The following GABBR2 variants were observed in gnomAD, a reference collection of about 807,000 sequenced individuals.
GABBR2 encodes G-protein coupled receptor 51.
A neutral mutation model predicts 105.6 loss-of-function variants in GABBR2; 23 were observed. The ratio of observed to expected loss-of-function variants is 0.22; its 90% CI spans 0.16 to 0.31. GABBR2 has a LOEUF of 0.31. GABBR2 is among the 10% of genes least tolerant of loss of function. GABBR2 has a pLI of 1.00. For synonymous variants in GABBR2, 478 were observed against 499.7 expected (o/e 0.96, Z 0.58); for missense variants, 734 against 1,245.5 (o/e 0.59, Z 6.18).
chr9:98,698,056 G>A (rs1211148124), intron 1 of GABBR2, among the ~76,000 whole-genome samples: 1 of 152,220 alleles, frequency 6.6e-6, no homozygotes, highest in African/African-American at 2.4e-5. Context: ...TCTGAACAAA[G>A]TCAAGTGGAT....
chr9:98,544,425 C>T (rs1008582592), intron 2 of GABBR2, among the ~76,000 whole-genome samples: 1 of 152,180 alleles, frequency 6.6e-6, no homozygotes, highest in Non-Finnish European at 1.5e-5. Context: ...ACAGAGCCCC[C>T]GTAGAAACCA....
rs1275870137 is a variant in GABBR2, at chr9:98,468,230, G to A, written c.999+4916C>T. ...CTATTCCTCCTACCAGAAAACTCCT[G>A]GTGCTAATGAGTGAGCTGGGGACAG... On this transcript the variant is annotated intron_variant, in intron 6 of 18. Transcript: ENST00000259455. Among the ~76,000 whole-genome samples the A allele has an allele frequency of 2.6e-5, 4 of 152,160 alleles. No individual in the cohort carries two copies. The South Asian group carries it at 6.2e-4, about 24-fold the overall frequency.
chr9:98,644,035 T>C (rs930477263), intron 1 of GABBR2, among the ~76,000 whole-genome samples: 7 of 152,210 alleles, frequency 4.6e-5, no homozygotes, highest in African/African-American at 1.7e-4. Flanking sequence ...TGAGTTTCTG[T>C]CACTTACAAC....
chr9:98,443,935 G>T (rs1022230074), intron 7 of GABBR2, among the ~76,000 whole-genome samples: 17 of 152,172 alleles, frequency 1.1e-4, no homozygotes, highest in Admixed American at 1.1e-3. Context: ...ACTCCTACCT[G>T]GCCCTGGTCT....
intron 17 of GABBR2, among the ~76,000 whole-genome samples, chr9:98,295,633 C>T (rs1301974593): frequency 6.6e-6 from 1 of 152,134 alleles, no homozygotes; most frequent in Non-Finnish European, 1.5e-5. Flanking sequence ...TCATGTGATT[C>T]TCCTGCCTCA....
At chr9:98,680,990 G>T (rs1319709525) in intron 1 of GABBR2, among the ~76,000 whole-genome samples, 2 of 152,106 alleles carry the variant, frequency 1.3e-5, no homozygotes, top group East Asian at 3.9e-4. Flanking sequence ...TATTACTGTT[G>T]GTGGGACTGT....
chr9:98,646,157 A>C (rs1415854602), intron 1 of GABBR2, among the ~76,000 whole-genome samples: 2 of 152,124 alleles, frequency 1.3e-5, no homozygotes, highest in Non-Finnish European at 2.9e-5. Context: ...ACTTCAAGAG[A>C]GTTCCCACTC....
At chr9:98,380,266 G>C (rs888474113) in intron 11 of GABBR2, among the ~76,000 whole-genome samples, 5 of 152,202 alleles carry the variant, frequency 3.3e-5, no homozygotes, top group Admixed American at 3.3e-4. Flanking sequence ...ACTACCCCAC[G>C]CCCAGGAATG....
chr9:98,529,681 T>C lies in GABBR2; in HGVS notation c.630+12192A>G, dbSNP rs545989488. 2.0e-5 allele frequency among the ~76,000 whole-genome samples: 3 copies of C among 152,360 alleles called. No individual in the cohort carries two copies. In the East Asian group the frequency reaches 5.8e-4, roughly 29 times the overall value. ...AAAAAAGAACTTGACATTTTTATGG[T>C]AAGAAAGTAACTGTAATCTTATTAT... On this transcript the variant is annotated intron_variant, in intron 3 of 18. Transcript: ENST00000259455.
At chr9:98,392,366 C>T (rs979146322) in intron 9 of GABBR2, among the ~76,000 whole-genome samples, 1 of 152,228 alleles carries the variant, frequency 6.6e-6, no homozygotes, top group African/African-American at 2.4e-5. Context: ...TCTCCCCAGT[C>T]CGATAGCAGA....
At chr9:98,342,072 C>T (rs1241985083) in intron 13 of GABBR2, among the ~76,000 whole-genome samples, 1 of 152,090 alleles carries the variant, frequency 6.6e-6, no homozygotes, top group Non-Finnish European at 1.5e-5. Context: ...GGGACCGGCA[C>T]ACAGACAGAC....
chr9:98,593,319 A>C (rs570107107), intron 1 of GABBR2, among the ~76,000 whole-genome samples: 284 of 152,342 alleles, frequency 1.9e-3, no homozygotes, highest in Non-Finnish European at 3.3e-3. Context: ...TGACATCGCC[A>C]GAGCTGAGGA....
intron 1 of GABBR2, among the ~76,000 whole-genome samples, chr9:98,674,735 G>A (rs1365693634): frequency 6.6e-6 from 1 of 152,166 alleles, no homozygotes; most frequent in Non-Finnish European, 1.5e-5. Context: ...CCTTAGCTGG[G>A]TCTCAGAGCT....
At position 98,473,010 on chromosome 9, in the gene GABBR2, A is replaced by G. The variant is rs1826715883; in HGVS notation, c.999+136T>C. The G allele has an allele frequency of 1.3e-5, 9 of 675,300 alleles. No individual in the cohort carries two copies. The Admixed American group carries it at 1.8e-4, about 14-fold the overall frequency. The allele number at this position is 675,300 out of a possible 1,614,324, so 41.8% of individuals were successfully genotyped here. ...GTTGTACATACCACATTTTACAGGT[A>G]CAAGAGGCTCAGAGAGGTCAAGTGA... On this transcript the variant is annotated intron_variant, in intron 6 of 18. Coordinates refer to ENST00000259455, the MANE Select transcript of GABBR2 (RefSeq NM_005458.8).
At chr9:98,312,667 A>AT (rs1188692833) in intron 13 of GABBR2, among the ~76,000 whole-genome samples, 2 of 152,116 alleles carry the variant, frequency 1.3e-5, no homozygotes, top group Non-Finnish European at 2.9e-5. Flanking sequence ...CAAAATGGTG[A>AT]TTTTCTAACT....
At chr9:98,535,539 G>A (rs1182329778) in intron 3 of GABBR2, among the ~76,000 whole-genome samples, 1 of 152,014 alleles carries the variant, frequency 6.6e-6, no homozygotes, top group African/African-American at 2.4e-5. Flanking sequence ...AGGTAATCTA[G>A]AGATAATTTA....
chr9:98,316,703 A>G (rs996542584), intron 13 of GABBR2, among the ~76,000 whole-genome samples: 4 of 152,192 alleles, frequency 2.6e-5, no homozygotes, highest in African/African-American at 9.7e-5. Context: ...AACATCAGCC[A>G]TAAGGACACC....
intron 3 of GABBR2, among the ~76,000 whole-genome samples, chr9:98,512,326 C>G (rs1827662188): frequency 6.7e-6 from 1 of 149,690 alleles, no homozygotes; most frequent in African/African-American, 2.5e-5. Context: ...AAACTGGAAG[C>G]ATTCCCTTTG....
chr9:98,334,899 C>T (rs1190894270), intron 13 of GABBR2, among the ~76,000 whole-genome samples: 1 of 152,186 alleles, frequency 6.6e-6, no homozygotes, highest in East Asian at 1.9e-4. Context: ...AACATCCCAC[C>T]ACAGGGCTGG....
Sources: allele counts gnomAD v4.1 joint callset (sites outside exome capture counted in the v4.1 genomes callset), GRCh38; gene constraint gnomAD v4.1.1; transcripts MANE v1.5; gene names NCBI Gene and HGNC (gene_info 2026-07-23, HGNC 2026-07-21).